Variants in FAM110B observed in about 807,000 individuals in gnomAD.
The protein encoded by FAM110B is family with sequence similarity 110 member B.
A neutral mutation model predicts 20.4 loss-of-function variants in FAM110B; 6 were observed. The ratio of observed to expected loss-of-function variants is 0.29; its 90% CI spans 0.16 to 0.58. The LOEUF (loss-of-function observed/expected upper bound fraction) is 0.58, where lower values mean the gene tolerates loss of function less well. Ranked by LOEUF, FAM110B falls within the 20% of genes least tolerant of loss-of-function variation. The probability of loss-of-function intolerance (pLI) is 0.90; values close to 1 mark genes in which losing one functional copy is unlikely to be tolerated. For synonymous variants in FAM110B, 226 were observed against 214.1 expected (o/e 1.06, Z -0.49); for missense variants, 434 against 498.2 (o/e 0.87, Z 1.23).
rs146286009 is a variant in FAM110B at position 58,144,658 on chromosome 8, G to A, written c.-324-1249G>A. On this transcript the variant is annotated intron_variant, in intron 3 of 3. Coordinates refer to ENST00000519262, the MANE Select transcript of FAM110B (RefSeq NM_001377989.1). ...GTTGTAATATGACTTTATTTATTTT[G>A]TAAATTAGTTATTTGGCATGTTAGT... Among the ~76,000 whole-genome samples, 85 of 152,290 alleles carry A rather than the reference G, an allele frequency of 5.6e-4. 1 individual carries two copies. The highest frequency in any genetic ancestry group is 2.0e-3 in the African/African-American group (84 of 41,566).
Position 58,075,277 on chromosome 8 carries a change from G to T in FAM110B, c.-413-258G>T, listed in dbSNP as rs200411663. ...CTAATTTTTGCTTTTTTTTTTTTTT[G>T]TGTGTGTGTGTGTGTGTGTTTTGTA... On this transcript the variant is annotated intron_variant, in intron 2 of 3. Coordinates refer to ENST00000519262, the MANE Select transcript of FAM110B (RefSeq NM_001377989.1). 0.053 allele frequency among the ~76,000 whole-genome samples: 6,771 copies of T among 128,048 alleles called. 251 individuals are homozygous for T. The highest frequency in any genetic ancestry group is 0.12 in the African/African-American group (3,927 of 34,024). The allele number at this position is 128,048 out of a possible 152,430, so 84.0% of individuals were successfully genotyped here. A position where few individuals can be genotyped will look rare whatever the true frequency, so the allele number is the denominator to read the frequency against.
intron 3 of FAM110B, among the ~76,000 whole-genome samples, chr8:58,107,730 C>T (rs769094517): frequency 6.6e-6 from 1 of 152,188 alleles, no homozygotes; most frequent in Non-Finnish European, 1.5e-5. Flanking sequence ...GAGAAAGGAA[C>T]CCTGATTACA....
At chr8:58,125,822 C>A (rs1056660327) in intron 3 of FAM110B, among the ~76,000 whole-genome samples, 1 of 152,168 alleles carries the variant, frequency 6.6e-6, no homozygotes, top group African/African-American at 2.4e-5. Context: ...CTTCCCCCAG[C>A]TGTTTTCTTT....
At chr8:58,021,901 C>A (rs1377076724) in intron 1 of FAM110B, among the ~76,000 whole-genome samples, 1 of 152,158 alleles carries the variant, frequency 6.6e-6, no homozygotes, top group Non-Finnish European at 1.5e-5. Flanking sequence ...ATGGAAAGTT[C>A]AATCTGCGGT....
intron 2 of FAM110B, among the ~76,000 whole-genome samples, chr8:58,071,123 A>AT (rs900522283): frequency 5.9e-5 from 9 of 152,174 alleles, no homozygotes; most frequent in Middle Eastern, 6.8e-3. Flanking sequence ...ATTTCTATTA[A>AT]TTTTTTCCTG....
chr8:58,081,016 C>G (rs1444740731), intron 3 of FAM110B, among the ~76,000 whole-genome samples: 18 of 152,188 alleles, frequency 1.2e-4, no homozygotes, highest in Non-Finnish European at 1.9e-4. Context: ...GAAGAAGCCT[C>G]TCAAGTGACT....
At chr8:58,000,272 G>A (rs1804267445) in intron 1 of FAM110B, among the ~76,000 whole-genome samples, 1 of 152,106 alleles carries the variant, frequency 6.6e-6, no homozygotes, top group Admixed American at 6.6e-5. Flanking sequence ...TTTAGTTTGA[G>A]TATAGGGGAA....
At chr8:58,129,583 A>G (rs60120407) in intron 3 of FAM110B, among the ~76,000 whole-genome samples, 254 of 152,266 alleles carry the variant, frequency 1.7e-3, no homozygotes, top group African/African-American at 5.8e-3. Context: ...GAGGCACTGT[A>G]CACATTCTGT....
At chr8:58,045,284 C>G (rs1318548716) in intron 2 of FAM110B, among the ~76,000 whole-genome samples, 3 of 152,190 alleles carry the variant, frequency 2.0e-5, no homozygotes, top group Admixed American at 6.5e-5. Flanking sequence ...TATAACCACA[C>G]TCTCTCTCGC....
chr8:58,118,912 A>T (rs1050275549), intron 3 of FAM110B, among the ~76,000 whole-genome samples: 1 of 152,190 alleles, frequency 6.6e-6, no homozygotes, highest in Admixed American at 6.5e-5. Flanking sequence ...TCATTTTTAG[A>T]TTCTTGTTTT....
intron 2 of FAM110B, among the ~76,000 whole-genome samples, chr8:58,062,070 T>C (rs1298068230): frequency 6.6e-6 from 1 of 152,166 alleles, no homozygotes; most frequent in Admixed American, 6.5e-5. Context: ...AATCATCCAG[T>C]GGTAAATGCT....
At chr8:57,997,608 A>C (rs1229451048) in intron 1 of FAM110B, among the ~76,000 whole-genome samples, 1 of 152,212 alleles carries the variant, frequency 6.6e-6, no homozygotes, top group African/African-American at 2.4e-5. Flanking sequence ...ATTCTCATTT[A>C]CTTTGATTTG....
chr8:58,108,722 G>A (rs1186892407), intron 3 of FAM110B, among the ~76,000 whole-genome samples: 1 of 152,212 alleles, frequency 6.6e-6, no homozygotes, highest in Non-Finnish European at 1.5e-5. Context: ...ATATTCATGG[G>A]TTATGACTGG....
At chr8:58,129,351 G>A (rs887238775) in intron 3 of FAM110B, among the ~76,000 whole-genome samples, 9 of 152,172 alleles carry the variant, frequency 5.9e-5, no homozygotes, top group African/African-American at 2.2e-4. Flanking sequence ...GTCTTCCAAA[G>A]ACTATCATAA....
chr8:58,012,376 T>C (rs1375380056), intron 1 of FAM110B, among the ~76,000 whole-genome samples: 1 of 152,184 alleles, frequency 6.6e-6, no homozygotes, highest in Non-Finnish European at 1.5e-5. Context: ...GTTTAAACTC[T>C]ACACCGAGAA....
chr8:58,110,030 A>G (rs1807023720), intron 3 of FAM110B, among the ~76,000 whole-genome samples: 1 of 152,196 alleles, frequency 6.6e-6, no homozygotes, highest in African/African-American at 2.4e-5. Flanking sequence ...CACTGTGAGG[A>G]CAGAATTCTC....
intron 2 of FAM110B, among the ~76,000 whole-genome samples, chr8:58,061,057 A>T (rs1288821933): frequency 6.6e-6 from 1 of 152,220 alleles, no homozygotes; most frequent in Non-Finnish European, 1.5e-5. Context: ...TATTCTCAGT[A>T]TAAGAGAACA....
At chr8:57,996,243 CAG>C (rs1271338799) in intron 1 of FAM110B, among the ~76,000 whole-genome samples, 1 of 152,166 alleles carries the variant, frequency 6.6e-6, no homozygotes, top group East Asian at 1.9e-4. Flanking sequence ...ACTAATTGAA[CAG>C]AGAGGTGGTT....
intron 3 of FAM110B, among the ~76,000 whole-genome samples, chr8:58,124,578 G>C (rs1470234789): frequency 6.6e-6 from 1 of 152,222 alleles, no homozygotes; most frequent in Admixed American, 6.5e-5. Context: ...AAGAGAGGTG[G>C]AAGGTAGGAA....
Sources: gnomAD v4.1 joint callset for allele counts (sites outside exome capture counted in the v4.1 genomes callset) on GRCh38, gnomAD v4.1.1 for gene constraint, MANE v1.5 for transcripts, NCBI Gene and HGNC (gene_info 2026-07-23, HGNC 2026-07-21) for gene names.